NARS2: variants seen among roughly 807,000 people sequenced by gnomAD.
NARS2 encodes asparaginyl-tRNA synthetase 2, mitochondrial.
NARS2 carries 60 observed loss-of-function variants against 62.9 expected under a neutral mutation model. The ratio of observed to expected loss-of-function variants is 0.95; its 90% CI spans 0.77 to 1.18. NARS2 has a LOEUF of 1.18. Ranked by LOEUF, NARS2 falls within the 50% of genes most tolerant of loss-of-function variation. The pLI, the probability that NARS2 is intolerant of heterozygous loss-of-function variation, is 0.00. For synonymous variants in NARS2, 196 were observed against 200.0 expected, an observed-to-expected ratio of 0.98 and a Z score of 0.17; for missense variants, 619 against 576.4, an observed-to-expected ratio of 1.07 and a Z score of -0.76.
intron 13 of NARS2, among the ~76,000 whole-genome samples, chr11:78,437,163 T>C (rs17136594): frequency 0.046 from 7,080 of 152,312 alleles, 528 homozygotes; most frequent in African/African-American, 0.16. Flanking sequence ...ACGCCTCTTT[T>C]ATTTCTTGGT....
At chr11:78,555,530 T>C (rs1001920565) in intron 5 of NARS2, among the ~76,000 whole-genome samples, 1 of 152,198 alleles carries the variant, frequency 6.6e-6, no homozygotes, top group East Asian at 1.9e-4. Flanking sequence ...CTGGAGTCAG[T>C]AGTAACATTC....
intron 6 of NARS2, among the ~76,000 whole-genome samples, chr11:78,527,059 G>A (rs1861319706): frequency 6.6e-6 from 1 of 152,106 alleles, no homozygotes; most frequent in South Asian, 2.1e-4. Flanking sequence ...GAAGTTACAC[G>A]CTAATTTACA....
chr11:78,445,103 T>G (rs1401990717), intron 11 of NARS2, among the ~76,000 whole-genome samples: 1 of 152,222 alleles, frequency 6.6e-6, no homozygotes, highest in Non-Finnish European at 1.5e-5. Flanking sequence ...TGAGATGTTG[T>G]GTTGCTACTG....
At chr11:78,489,921 T>C (rs7928643) in intron 7 of NARS2, among the ~76,000 whole-genome samples, 1 of 151,894 alleles carries the variant, frequency 6.6e-6, no homozygotes, top group East Asian at 1.9e-4. Flanking sequence ...ACCTGTAGTC[T>C]TAGCTTCTTG....
chr11:78,563,929 T>A (rs558250361), intron 4 of NARS2, among the ~76,000 whole-genome samples: 160 of 131,776 alleles, frequency 1.2e-3, no homozygotes, highest in African/African-American at 4.8e-3. Flanking sequence ...TGAGATGGAA[T>A]CTCGCTCTGT....
At position 78,574,827 on chromosome 11, in the gene NARS2, ACCACAC is replaced by A. The variant is rs1857072732; in HGVS notation, c.-345_-340del. The A allele has an allele frequency of 2.5e-5, 7 of 276,488 alleles. No homozygotes were observed. The South Asian group carries it at 3.3e-4, about 13-fold the overall frequency. The allele number at this position is 276,488 out of a possible 1,614,324, so 17.1% of individuals were successfully genotyped here. ...GGCCGCAACACGCGCAACCACTCCT[ACCACAC>A]CACGCCAACGCCGCTTACGTCATCA... On this transcript the variant is annotated 5_prime_UTR_variant, in exon 1 of 14. Transcript: ENST00000281038.
chr11:78,436,879 T>A, intron 13 of NARS2, 65 bp from the exon 14 acceptor site: 7 of 1,500,022 alleles, frequency 4.7e-6, no homozygotes, highest in Non-Finnish European at 6.4e-6. Context: ...ATGATTAGAA[T>A]TTAATGTTTC....
chr11:78,471,306 C>T (rs190004100), intron 9 of NARS2, among the ~76,000 whole-genome samples: 10 of 152,200 alleles, frequency 6.6e-5, no homozygotes, highest in South Asian at 2.1e-4. Flanking sequence ...AAGCTTTTAA[C>T]GGCTAAGATA....
intron 6 of NARS2, among the ~76,000 whole-genome samples, chr11:78,515,974 T>G (rs1343925510): frequency 6.6e-6 from 1 of 152,232 alleles, no homozygotes; most frequent in African/African-American, 2.4e-5. Context: ...ATGTCTCCTC[T>G]TTGTCTTCCC....
At chr11:78,451,560 G>A (rs1258497922) in intron 11 of NARS2, among the ~76,000 whole-genome samples, 1 of 152,216 alleles carries the variant, frequency 6.6e-6, no homozygotes, top group Non-Finnish European at 1.5e-5. Flanking sequence ...GCCTTTATGG[G>A]CAGGCAGGTC....
intron 11 of NARS2, among the ~76,000 whole-genome samples, chr11:78,449,245 C>G (rs1372217920): frequency 6.7e-6 from 1 of 149,600 alleles, no homozygotes; most frequent in Non-Finnish European, 1.5e-5. Flanking sequence ...ATGCTATTCT[C>G]CTGCCTCAGC....
chr11:78,526,347 T>TA (rs1209547894), intron 6 of NARS2, among the ~76,000 whole-genome samples: 1 of 152,188 alleles, frequency 6.6e-6, no homozygotes, highest in African/African-American at 2.4e-5. Context: ...TGGAAAATGT[T>TA]AACTGTCTAA....
intron 11 of NARS2, among the ~76,000 whole-genome samples, chr11:78,459,027 C>T (rs187912092): frequency 1.3e-5 from 2 of 152,024 alleles, no homozygotes; most frequent in East Asian, 3.9e-4. Flanking sequence ...AAGCAATTCT[C>T]CTGTCTCAGC....
intron 11 of NARS2, among the ~76,000 whole-genome samples, chr11:78,462,475 T>C (rs1402812881): frequency 1.3e-5 from 2 of 152,240 alleles, no homozygotes; most frequent in South Asian, 2.1e-4. Flanking sequence ...AAAGTAATTT[T>C]ATATTATTTG....
At chr11:78,484,050 C>A (rs1182025666) in intron 7 of NARS2, among the ~76,000 whole-genome samples, 1 of 151,990 alleles carries the variant, frequency 6.6e-6, no homozygotes, top group African/African-American at 2.4e-5. Flanking sequence ...ATATGTGGAC[C>A]CATGGAACAA....
At chr11:78,526,133 T>C (rs981798788) in intron 6 of NARS2, among the ~76,000 whole-genome samples, 1 of 152,188 alleles carries the variant, frequency 6.6e-6, no homozygotes, top group African/African-American at 2.4e-5. Flanking sequence ...AGTAATGTGA[T>C]AACATTTAAT....
chr11:78,570,930 G>C (rs1856900281), intron 2 of NARS2, among the ~76,000 whole-genome samples: 1 of 152,138 alleles, frequency 6.6e-6, no homozygotes, highest in African/African-American at 2.4e-5. Flanking sequence ...GCACAAAAAA[G>C]GGGTACCTGA....
At chr11:78,569,506 G>A (rs951940341) in intron 2 of NARS2, among the ~76,000 whole-genome samples, 1 of 152,124 alleles carries the variant, frequency 6.6e-6, no homozygotes, top group Admixed American at 6.6e-5. Context: ...GACAATAAGT[G>A]CCTTCCTAAT....
intron 5 of NARS2, among the ~76,000 whole-genome samples, chr11:78,551,378 T>C (rs1484243567): frequency 6.6e-6 from 1 of 152,144 alleles, no homozygotes; most frequent in Non-Finnish European, 1.5e-5. Flanking sequence ...GGTAAGCGTG[T>C]GTGTATGTAA....
Sources: gnomAD v4.1 joint callset for allele counts (sites outside exome capture counted in the v4.1 genomes callset) on GRCh38, gnomAD v4.1.1 for gene constraint, MANE v1.5 for transcripts, NCBI Gene and HGNC (gene_info 2026-07-23, HGNC 2026-07-21) for gene names.